PLD5: variants seen among roughly 807,000 people sequenced by gnomAD.
PLD5 encodes the protein phospholipase D family member 5.
Under a neutral mutation model 61.1 loss-of-function variants are expected in PLD5, and 36 were observed. The observed-to-expected ratio is 0.59, with a 90% CI of 0.45 to 0.78. The LOEUF (loss-of-function observed/expected upper bound fraction) is 0.78. Ranked by LOEUF, PLD5 falls within the 30% of genes least tolerant of loss-of-function variation. The probability of loss-of-function intolerance (pLI) is 0.00; values close to 1 mark genes in which losing one functional copy is unlikely to be tolerated. For missense variants in PLD5, 515 were observed against 644.4 expected, an observed-to-expected ratio of 0.80 and a Z score of 2.17; for synonymous variants, 243 against 242.8, an observed-to-expected ratio of 1.00 and a Z score of -0.01.
chr1:242,228,705 G>GGA (rs1287458458), intron 4 of PLD5, among the ~76,000 whole-genome samples: 1 of 151,336 alleles, frequency 6.6e-6, no homozygotes. Context: ...AGGGAAGGAA[G>GGA]GAGAGAGAGA....
chr1:242,342,942 TAAAAC>T (rs1212824207), intron 2 of PLD5, among the ~76,000 whole-genome samples: 1 of 151,980 alleles, frequency 6.6e-6, no homozygotes, highest in African/African-American at 2.4e-5. Context: ...GGGGAAGAAA[TAAAAC>T]AAGACAAAAA....
chr1:242,162,637 G>C (rs1574424290), intron 5 of PLD5, among the ~76,000 whole-genome samples: 1 of 152,128 alleles, frequency 6.6e-6, no homozygotes, highest in South Asian at 2.1e-4. Context: ...GTTACTGTAT[G>C]TGTGGTTGAG....
chr1:242,258,620 TAA>T (rs1425907776), intron 4 of PLD5, among the ~76,000 whole-genome samples: 1 of 152,192 alleles, frequency 6.6e-6, no homozygotes, highest in Non-Finnish European at 1.5e-5. Context: ...ACAGAGCTCT[TAA>T]AGTTTCCCAA....
At chr1:242,107,955 T>C (rs1661192846) in intron 7 of PLD5, 116 bp from the exon 8 acceptor site, 1 of 982,918 alleles carries the variant, frequency 1.0e-6, no homozygotes, top group Non-Finnish European at 1.4e-6. Flanking sequence ...CTGTAATATA[T>C]ATAAGCAACC....
At chr1:242,142,723 TCTCTCTCTCTC>T in intron 5 of PLD5, among the ~76,000 whole-genome samples, 1 of 151,142 alleles carries the variant, frequency 6.6e-6, no homozygotes, top group Non-Finnish European at 1.5e-5. Context: ...TTTCTCTCTC[TCTCTCTCTCTC>T]TCTCTCTCTC....
intron 1 of PLD5, among the ~76,000 whole-genome samples, chr1:242,511,370 G>T (rs1326240423): frequency 2.0e-5 from 3 of 152,110 alleles, no homozygotes. Context: ...TGGGGATGTG[G>T]GACTTCATGT....
At chr1:242,266,887 C>T (rs1361032344) in intron 3 of PLD5, among the ~76,000 whole-genome samples, 4 of 152,010 alleles carry the variant, frequency 2.6e-5, no homozygotes, top group Non-Finnish European at 4.4e-5. Flanking sequence ...GGGACTGAGG[C>T]GGGCACAACA....
At chr1:242,430,435 G>T (rs1358859919) in intron 1 of PLD5, among the ~76,000 whole-genome samples, 1 of 152,040 alleles carries the variant, frequency 6.6e-6, no homozygotes, top group African/African-American at 2.4e-5. Flanking sequence ...CCACCCTCAT[G>T]ACATCATCTA....
At chr1:242,448,481 G>GTAA (rs1284850588) in intron 1 of PLD5, among the ~76,000 whole-genome samples, 1 of 152,174 alleles carries the variant, frequency 6.6e-6, no homozygotes, top group Non-Finnish European at 1.5e-5. Flanking sequence ...TCAATGATAT[G>GTAA]TAATCCTATT....
At chr1:242,488,175 C>A (rs1194297754) in intron 1 of PLD5, among the ~76,000 whole-genome samples, 2 of 152,166 alleles carry the variant, frequency 1.3e-5, no homozygotes, top group Admixed American at 1.3e-4. Context: ...TCTTATGAAA[C>A]TGAACATTCT....
intron 2 of PLD5, among the ~76,000 whole-genome samples, chr1:242,297,427 G>A (rs1203117125): frequency 6.9e-6 from 1 of 143,956 alleles, no homozygotes; most frequent in Non-Finnish European, 1.5e-5. Flanking sequence ...TTTTTTTTAA[G>A]GCAGGGTCTT....
chr1:242,223,960 ATC>A, intron 4 of PLD5, among the ~76,000 whole-genome samples: 1 of 152,262 alleles, frequency 6.6e-6, no homozygotes, highest in East Asian at 1.9e-4. Flanking sequence ...TTTAGAATAT[ATC>A]TGTTTGTTGG....
rs561619998 is a variant in PLD5, at chr1:242,443,500, C to T, written c.189+80588G>A. Among the ~76,000 whole-genome samples the T allele has an allele frequency of 2.0e-5, 3 of 152,020 alleles. No individual in the cohort carries two copies. In the East Asian group the frequency reaches 5.8e-4, roughly 30 times the overall value. On this transcript the variant is annotated intron_variant, in intron 1 of 9. Coordinates refer to ENST00000536534, the MANE Select transcript of PLD5 (RefSeq NM_001372062.1). ...TGCCCAGAGCTGAGTCCTTAGGTGT[C>T]CAGGATGTGAACTGGGAAGATTATC...
chr1:242,241,899 A>ACACTTAC (rs1207124752), intron 4 of PLD5, among the ~76,000 whole-genome samples: 2 of 44,332 alleles, frequency 4.5e-5, no homozygotes, highest in African/African-American at 1.9e-4. Flanking sequence ...ATATATATAT[A>ACACTTAC]TATATATATA....
chr1:242,322,901 T>C (rs1290486627), intron 2 of PLD5, among the ~76,000 whole-genome samples: 2 of 152,204 alleles, frequency 1.3e-5, no homozygotes, highest in African/African-American at 4.8e-5. Flanking sequence ...TATATATATG[T>C]GTGTATGTAT....
intron 1 of PLD5, among the ~76,000 whole-genome samples, chr1:242,382,909 G>A (rs1388415983): frequency 6.6e-6 from 1 of 151,782 alleles, no homozygotes; most frequent in Non-Finnish European, 1.5e-5. Context: ...TTCAAGGACT[G>A]ATATGTCTTT....
rs561030674 is a variant in PLD5, at chr1:242,500,513, T to C, written c.189+23575A>G. On this transcript the variant is annotated intron_variant, in intron 1 of 9. Transcript: ENST00000536534. ...AGTACCTGAAACAATGGGAGTGCAA[T>C]TAAGTGCCGAACTGTGATAACTGAT... is the stretch of plus-strand genomic sequence containing the variant. Among the ~76,000 whole-genome samples, 33 of 152,250 alleles carry C rather than the reference T, an allele frequency of 2.2e-4. 1 individual carries two copies. The highest frequency in any genetic ancestry group is 7.7e-4 in the African/African-American group (32 of 41,562).
chr1:242,212,851 C>T (rs1287581781), intron 5 of PLD5, among the ~76,000 whole-genome samples: 1 of 152,216 alleles, frequency 6.6e-6, no homozygotes, highest in Non-Finnish European at 1.5e-5. Context: ...CCACCGTTAT[C>T]TCTCTCCTAC....
chr1:242,113,100 TTTTTTTTG>T, intron 7 of PLD5, among the ~76,000 whole-genome samples: 1 of 147,220 alleles, frequency 6.8e-6, no homozygotes, highest in Non-Finnish European at 1.5e-5. Context: ...TTTTTTTTTT[TTTTTTTTG>T]AGATGGATTC....
Sources: allele counts gnomAD v4.1 joint callset (sites outside exome capture counted in the v4.1 genomes callset), GRCh38; gene constraint gnomAD v4.1.1; transcripts MANE v1.5; gene names NCBI Gene and HGNC (gene_info 2026-07-23, HGNC 2026-07-21).